Variants in ADAMTS14 observed in about 807,000 individuals in gnomAD.
ADAMTS14 encodes the protein ADAM metallopeptidase with thrombospondin type 1 motif 14.
Under a neutral mutation model 128.6 loss-of-function variants are expected in ADAMTS14, and 100 were observed. That is an observed-to-expected ratio of 0.78 (90% CI 0.66 to 0.92). ADAMTS14 has a LOEUF of 0.92. Among genes scored for constraint, ADAMTS14 ranks in the 40% least tolerant of loss-of-function variants. The pLI is 0.00. For synonymous variants in ADAMTS14, 665 were observed against 653.8 expected (o/e 1.02, Z -0.26); for missense variants, 1,562 against 1,658.6 (o/e 0.94, Z 1.01).
In ADAMTS14 at chr10:70,744,125, C is replaced by A. The variant is rs375806495; in HGVS notation, c.2118C>A (p.Cys706Ter). The A allele has an allele frequency of 4.5e-6, 7 of 1,561,764 alleles. No homozygotes were observed. Among genetic ancestry groups the A allele is most frequent in the Non-Finnish European group, 6.1e-6 (7 of 1,152,990 alleles). Residue 706 changes from cysteine to a stop codon, truncating the protein, a stop_gained, in exon 14 of 22, where the codon TGC (cysteine) becomes TGA (stop). Coordinates refer to ENST00000373207, the MANE Select transcript of ADAMTS14 (RefSeq NM_080722.4). LOFTEE classifies it high-confidence loss of function. ...SMKADDKCGVCGGDNSHCRTV... is the reference protein window; with the variant it reads ...SMKADDKCGV ...AGGCGGATGACAAGTGTGGAGTCTGCGGGGGTGACAACTCCCACTGCAGGA... is the reference window on the plus strand; with the variant it reads ...AGGCGGATGACAAGTGTGGAGTCTGAGGGGGTGACAACTCCCACTGCAGGA...
chr10:70,692,100 T>A (rs1840209058), intron 2 of ADAMTS14, among the ~76,000 whole-genome samples: 1 of 151,994 alleles, frequency 6.6e-6, no homozygotes, highest in African/African-American at 2.4e-5. Flanking sequence ...GCCCCACCCA[T>A]CAGGTTTTGA....
At chr10:70,721,589 G>A (rs144365578) in intron 4 of ADAMTS14, among the ~76,000 whole-genome samples, 2,188 of 150,796 alleles carry the variant, frequency 0.015, 23 homozygotes, top group Non-Finnish European at 0.02. Context: ...GGGTTTCACC[G>A]TGTTAGCCAG....
chr10:70,745,414 C>G (rs1842147890), intron 15 of ADAMTS14, 108 bp downstream of exon 15: 1 of 1,157,144 alleles, frequency 8.6e-7, no homozygotes, highest in Non-Finnish European at 1.3e-6. Context: ...TGGAATTGTA[C>G]TAACTGGAGT....
intron 9 of ADAMTS14, 103 bp downstream of exon 9, chr10:70,735,404 GTGGGCCTGGTGA>G: frequency 6.8e-7 from 1 of 1,464,158 alleles, no homozygotes; most frequent in Non-Finnish European, 9.1e-7. Flanking sequence ...CAGCTGGCCA[GTGGGCCTGGTGA>G]TGGGCCCACA....
intron 2 of ADAMTS14, among the ~76,000 whole-genome samples, chr10:70,701,061 C>T (rs1024446242): frequency 1.3e-5 from 2 of 152,202 alleles, no homozygotes; most frequent in Non-Finnish European, 2.9e-5. Flanking sequence ...CAGAAGGCAA[C>T]CATCTTGGTT....
At chr10:70,718,605 C>T (rs1477006831) in intron 4 of ADAMTS14, among the ~76,000 whole-genome samples, 13 of 151,600 alleles carry the variant, frequency 8.6e-5, no homozygotes, top group East Asian at 3.9e-4. Flanking sequence ...AGGCTTGTCT[C>T]GAACACCTGA....
intron 9 of ADAMTS14, 23 bp from the exon 10 acceptor site, chr10:70,736,657 G>A (rs1172687338): frequency 1.9e-6 from 3 of 1,607,264 alleles, no homozygotes; most frequent in Non-Finnish European, 2.6e-6. Context: ...CCAGTCTGGT[G>A]ACCCCATTCC....
chr10:70,735,730 G>C (rs1487657065), intron 9 of ADAMTS14, among the ~76,000 whole-genome samples: 1 of 152,186 alleles, frequency 6.6e-6, no homozygotes, highest in Non-Finnish European at 1.5e-5. Context: ...CCATGTCCCT[G>C]CTGCCTGTGC....
At position 70,702,412 on chromosome 10, in the gene ADAMTS14, G is replaced by A. The variant is rs376783762; in HGVS notation, c.623G>A (p.Arg208His). The A allele has an allele frequency of 3.7e-6, 6 of 1,613,656 alleles. No individual in the cohort carries two copies. The African/African-American group carries it at 4.0e-5, about 11-fold the overall frequency. ...AGCGGGAGGACACATGTGGTGTACC[G>A]CCGGGAGGCCGTCCAGCAGGAGTGG... ...EASGRTHVVY[R>H]REAVQQEWAE... Residue 208 changes from arginine to histidine, a missense_variant, in exon 3 of 22, where the codon CGC becomes CAC. Physicochemically the swap from Arg to His is conservative, Grantham distance 29 (BLOSUM62 0). Coordinates refer to ENST00000373207, the MANE Select transcript of ADAMTS14 (RefSeq NM_080722.4).
At chr10:70,698,388 T>C (rs540960282) in intron 2 of ADAMTS14, among the ~76,000 whole-genome samples, 1 of 152,368 alleles carries the variant, frequency 6.6e-6, no homozygotes, top group East Asian at 1.9e-4. Context: ...CCAGCCAGTC[T>C]ATGCTGTGTG....
rs1842149001 is a variant in ADAMTS14 at position 70,745,445 on chromosome 10, T to C, written c.2263+139T>C. On this transcript the variant is annotated intron_variant, in intron 15 of 21. Transcript: ENST00000373207. The stretch of plus-strand genomic sequence containing the variant: ...GGAGTAATGGGCAGAGACCCCCTTT[T>C]CATTTTATTTTAAATTTATGCTGCA... The C allele has an allele frequency of 4.4e-6, 4 of 904,918 alleles. No homozygotes were observed. In the East Asian group the frequency reaches 7.9e-5, roughly 18 times the overall value. The allele number at this position is 904,918 out of a possible 1,614,324, so 56.1% of individuals were successfully genotyped here. A position where few individuals can be genotyped will look rare whatever the true frequency, so the allele number is the denominator to read the frequency against.
chr10:70,754,691 G>C (rs1042985735), intron 19 of ADAMTS14, among the ~76,000 whole-genome samples: 1 of 152,174 alleles, frequency 6.6e-6, no homozygotes, highest in African/African-American at 2.4e-5. Flanking sequence ...ATGGCTACGG[G>C]CTTTGCAAGG....
At chr10:70,760,039 G>A (rs561402564) in intron 21 of ADAMTS14, among the ~76,000 whole-genome samples, 1 of 152,362 alleles carries the variant, frequency 6.6e-6, no homozygotes, top group African/African-American at 2.4e-5. Context: ...CCCAGCCTGA[G>A]TTTCTGATGC....
chr10:70,748,903 G>A lies in ADAMTS14; in HGVS notation c.2264-919G>A, dbSNP rs1842264173. Among the ~76,000 whole-genome samples, 7 of 152,340 alleles carry A rather than the reference G, an allele frequency of 4.6e-5. No homozygotes were observed. The South Asian group carries it at 1.4e-3, about 32-fold the overall frequency. ...GCTGGGCCCTAGGAAGTCCAGGGTG[G>A]CCAAAGGTACCACTCAGGGGCCTTG... is the stretch of plus-strand genomic sequence containing the variant. On this transcript the variant is annotated intron_variant, in intron 15 of 21. Coordinates refer to ENST00000373207, the MANE Select transcript of ADAMTS14 (RefSeq NM_080722.4).
At chr10:70,758,130 T>C (rs764731637) in intron 20 of ADAMTS14, 39 bp downstream of exon 20, 1 of 1,612,540 alleles carries the variant, frequency 6.2e-7, no homozygotes, top group African/African-American at 1.3e-5. Context: ...TCCAGTCCCT[T>C]GGGCCAAAGT....
At chr10:70,692,930 G>A (rs1277388534) in intron 2 of ADAMTS14, among the ~76,000 whole-genome samples, 1 of 152,118 alleles carries the variant, frequency 6.6e-6, no homozygotes, top group African/African-American at 2.4e-5. Flanking sequence ...AAATATCTGG[G>A]GCTGGGCAAT....
intron 19 of ADAMTS14, among the ~76,000 whole-genome samples, chr10:70,754,780 G>GTAAA (rs1453038276): frequency 9.2e-5 from 14 of 152,220 alleles, no homozygotes. Context: ...ATTTCAGGTT[G>GTAAA]TAAAGATCAC....
chr10:70,708,771 T>G lies in ADAMTS14; in HGVS notation c.863T>G (p.Met288Arg). The G allele has an allele frequency of 1.9e-6, 3 of 1,594,308 alleles. No individual in the cohort carries two copies. Among genetic ancestry groups the G allele is most frequent in the East Asian group, 4.5e-5 (2 of 44,020 alleles). The part of the protein sequence containing the change: ...EHVQNYVLTL[M>R]NIVDEIYHDE... ...GTGCAGAACTATGTCCTCACCCTCA[T>G]GAATATCGTGAGTGTCCATGTGTCC... is the stretch of plus-strand genomic sequence containing the variant. Residue 288 changes from methionine to arginine, a missense_variant, in exon 4 of 22, where the codon ATG (methionine) becomes AGG (arginine). Physicochemically the swap from Met to Arg is moderately conservative, Grantham distance 91. Coordinates refer to ENST00000373207, the MANE Select transcript of ADAMTS14 (RefSeq NM_080722.4).
chr10:70,760,849 C>T lies in ADAMTS14; in HGVS notation c.3668C>T (p.Thr1223Ile), dbSNP rs369682254. 7.7e-6 allele frequency: 12 copies of T among 1,568,362 alleles called. No homozygotes were observed. Among genetic ancestry groups the T allele is most frequent in the Non-Finnish European group, 9.5e-6 (11 of 1,155,124 alleles). ...AGCCTCCCTGCTGCCTCCCCGGTGA[C>T]ATGAGCTGTGCCCTGCCATCCCACT... ...GTSLPAASPV[T>I] is the part of the protein sequence containing the mutation. The change falls in exon 22 of 22, where the codon ACA (threonine) becomes ATA (isoleucine). Residue 1223 changes from threonine (T) to isoleucine (I), a missense_variant. Thr to Ile is a moderately conservative substitution (Grantham distance 89). Transcript: ENST00000373207.
Sources: gnomAD v4.1 joint callset for allele counts (sites outside exome capture counted in the v4.1 genomes callset) on GRCh38, gnomAD v4.1.1 for gene constraint, MANE v1.5 for transcripts, NCBI Gene and HGNC (gene_info 2026-07-23, HGNC 2026-07-21) for gene names.